GNG12: variants seen among roughly 807,000 people sequenced by gnomAD.
The protein encoded by GNG12 is guanine nucleotide-binding protein G(I)/G(S)/G(O) subunit gamma-12.
For missense variants in GNG12, 69 were observed against 83.8 expected (o/e 0.82, Z 0.69); for synonymous variants, 28 against 29.7 (o/e 0.94, Z 0.19).
At chr1:67,822,755 A>C (rs1392012248) in intron 1 of GNG12, among the ~76,000 whole-genome samples, 1 of 151,512 alleles carries the variant, frequency 6.6e-6, no homozygotes, top group African/African-American at 2.4e-5. Context: ...TTTTTGATGG[A>C]GATATAGGCT....
At chr1:67,809,565 G>T (rs1304983687) in intron 1 of GNG12, among the ~76,000 whole-genome samples, 1 of 152,036 alleles carries the variant, frequency 6.6e-6, no homozygotes, top group Non-Finnish European at 1.5e-5. Context: ...TATATATAAA[G>T]AACTCTTAAA....
intron 2 of GNG12, among the ~76,000 whole-genome samples, chr1:67,720,430 TCTAA>T (rs762826649): frequency 2.6e-5 from 4 of 152,200 alleles, no homozygotes; most frequent in South Asian, 2.1e-4. Context: ...AGTTTTACTC[TCTAA>T]CTAGTATAGC....
chr1:67,782,437 AT>A lies in GNG12; in HGVS notation c.-76-4931del, dbSNP rs1300853695. Among the ~76,000 whole-genome samples, 3 of 152,286 alleles carry A rather than the reference AT, an allele frequency of 2.0e-5. No homozygotes were observed. In the East Asian group the frequency reaches 5.8e-4, roughly 29 times the overall value. ...GGTTGAACTGGCCTATTTTAACCAA[AT>A]GGTACCACCCCATTATCTCCACCTT... is the stretch of plus-strand genomic sequence containing the variant. On this transcript the variant is annotated intron_variant, in intron 1 of 3. Coordinates refer to ENST00000370982, the MANE Select transcript of GNG12 (RefSeq NM_018841.6).
At chr1:67,762,862 G>A (rs959588241) in intron 2 of GNG12, among the ~76,000 whole-genome samples, 1 of 152,064 alleles carries the variant, frequency 6.6e-6, no homozygotes, top group African/African-American at 2.4e-5. Flanking sequence ...AGGAAACCTT[G>A]ATCAGATTGA....
chr1:67,766,098 G>GCA (rs1278948416), intron 2 of GNG12, among the ~76,000 whole-genome samples: 47 of 100,884 alleles, frequency 4.7e-4, no homozygotes, highest in African/African-American at 9.9e-4. Context: ...ACAAAACAAG[G>GCA]CACACACGCA....
intron 2 of GNG12, among the ~76,000 whole-genome samples, chr1:67,710,754 C>T (rs1035984722): frequency 1.3e-5 from 2 of 152,164 alleles, no homozygotes; most frequent in Non-Finnish European, 2.9e-5. Context: ...TATCTGCGTT[C>T]AGACCTGCTT....
chr1:67,733,936 G>A (rs1216852060), intron 2 of GNG12, among the ~76,000 whole-genome samples: 1 of 152,170 alleles, frequency 6.6e-6, no homozygotes, highest in African/African-American at 2.4e-5. Context: ...GGTGAAATGG[G>A]GCAGTGGCAA....
At chr1:67,735,182 T>C (rs1342359448) in intron 2 of GNG12, among the ~76,000 whole-genome samples, 3 of 152,182 alleles carry the variant, frequency 2.0e-5, no homozygotes, top group Non-Finnish European at 4.4e-5. Flanking sequence ...TTAATAGGTA[T>C]ATATTGAAAT....
At chr1:67,779,978 T>C (rs769247438) in intron 1 of GNG12, among the ~76,000 whole-genome samples, 3 of 152,168 alleles carry the variant, frequency 2.0e-5, no homozygotes, top group African/African-American at 7.2e-5. Flanking sequence ...AGTAAAAACA[T>C]GGTATTATCA....
chr1:67,803,103 G>T (rs1462652132), intron 1 of GNG12, among the ~76,000 whole-genome samples: 2 of 152,228 alleles, frequency 1.3e-5, no homozygotes, highest in Non-Finnish European at 2.9e-5. Flanking sequence ...CTGGTTCTCA[G>T]GGGATACAAG....
At chr1:67,709,198 G>A (rs1442673445) in intron 2 of GNG12, among the ~76,000 whole-genome samples, 4 of 152,168 alleles carry the variant, frequency 2.6e-5, no homozygotes, top group Non-Finnish European at 4.4e-5. Flanking sequence ...TCAATTTACC[G>A]TTGCACATCA....
chr1:67,762,269 C>T (rs138281862), intron 2 of GNG12, among the ~76,000 whole-genome samples: 15 of 152,252 alleles, frequency 9.9e-5, no homozygotes, highest in African/African-American at 3.6e-4. Context: ...TATCTGCCTA[C>T]CCCATGGACT....
At chr1:67,788,310 C>A (rs779821215) in intron 1 of GNG12, among the ~76,000 whole-genome samples, 26 of 152,002 alleles carry the variant, frequency 1.7e-4, no homozygotes, top group Non-Finnish European at 3.8e-4. Context: ...AAATATCTTT[C>A]AGCTTTAACT....
intron 2 of GNG12, among the ~76,000 whole-genome samples, chr1:67,750,478 C>G (rs910938002): frequency 6.6e-6 from 1 of 152,200 alleles, no homozygotes; most frequent in Non-Finnish European, 1.5e-5. Context: ...GGCAGAAACA[C>G]TCCTTTATTT....
Position 67,720,904 on chromosome 1 carries a change from T to C in GNG12, c.-26-13192A>G, listed in dbSNP as rs540855797. ...TAGAAATGGGAGCATATTATACACA[T>C]TGCTCTGAACCTTGTCTTTATTTTG... is the stretch of plus-strand genomic sequence containing the variant. On this transcript the variant is annotated intron_variant, in intron 2 of 3. Transcript: ENST00000370982. Among the ~76,000 whole-genome samples the C allele has an allele frequency of 2.6e-5, 4 of 152,346 alleles. No individual in the cohort carries two copies. The South Asian group carries it at 6.2e-4, about 24-fold the overall frequency.
chr1:67,741,071 A>G (rs1173060718), intron 2 of GNG12, among the ~76,000 whole-genome samples: 1 of 152,238 alleles, frequency 6.6e-6, no homozygotes, highest in Non-Finnish European at 1.5e-5. Context: ...CAGTGTATAT[A>G]TAAAGGTCAT....
In GNG12 at chr1:67,794,690, A is replaced by G. The variant is rs144231117; in HGVS notation, c.-76-17183T>C. On this transcript the variant is annotated intron_variant, in intron 1 of 3. Coordinates refer to ENST00000370982, the MANE Select transcript of GNG12 (RefSeq NM_018841.6). ...TTGATATATATAAGATGACAAAAGA[A>G]AGGCTTAAGGCTTCTTAATTTGGTC... Among the ~76,000 whole-genome samples, 16 of 152,358 alleles carry G rather than the reference A, an allele frequency of 1.1e-4. No individual in the cohort carries two copies. The East Asian group carries it at 2.9e-3, about 28-fold the overall frequency.
chr1:67,790,925 C>T (rs911872565), intron 1 of GNG12, among the ~76,000 whole-genome samples: 9 of 152,134 alleles, frequency 5.9e-5, no homozygotes, highest in African/African-American at 1.7e-4. Flanking sequence ...ATACTTTATT[C>T]CTATATGTAT....
At chr1:67,728,562 G>A (rs908421658) in intron 2 of GNG12, among the ~76,000 whole-genome samples, 1 of 152,140 alleles carries the variant, frequency 6.6e-6, no homozygotes, top group Non-Finnish European at 1.5e-5. Flanking sequence ...TACGGGGACT[G>A]TAAATGTCAC....
Sources: gnomAD v4.1 joint callset for allele counts (sites outside exome capture counted in the v4.1 genomes callset) on GRCh38, gnomAD v4.1.1 for gene constraint, MANE v1.5 for transcripts, NCBI Gene and HGNC (gene_info 2026-07-23, HGNC 2026-07-21) for gene names.